The following GPHN variants were observed in gnomAD, a reference collection of about 807,000 sequenced individuals.
GPHN encodes the protein gephyrin.
A neutral mutation model predicts 95.5 loss-of-function variants in GPHN; 17 were observed. That is an observed-to-expected ratio of 0.18 (90% CI 0.12 to 0.27). The LOEUF (loss-of-function observed/expected upper bound fraction) is 0.27. GPHN is among the 10% of genes least tolerant of loss of function. The pLI, the probability that GPHN is intolerant of heterozygous loss-of-function variation, is 1.00. For synonymous variants in GPHN, 320 were observed against 322.5 expected (o/e 0.99, Z 0.08); for missense variants, 660 against 978.1 (o/e 0.67, Z 4.34).
chr14:67,067,873 G>T (rs927406764), intron 11 of GPHN, among the ~76,000 whole-genome samples: 3 of 152,212 alleles, frequency 2.0e-5, no homozygotes, highest in African/African-American at 7.2e-5. Flanking sequence ...GCTTCCCTTG[G>T]CTAGGAAAGG....
At chr14:66,605,631 A>G (rs1380385749) in intron 1 of GPHN, among the ~76,000 whole-genome samples, 1 of 148,498 alleles carries the variant, frequency 6.7e-6, no homozygotes, top group Admixed American at 6.8e-5. Context: ...CCAGGTTAAC[A>G]CCATTTTCCT....
intron 5 of GPHN, among the ~76,000 whole-genome samples, chr14:66,904,270 G>T (rs1427604039): frequency 6.6e-6 from 1 of 152,032 alleles, no homozygotes; most frequent in Non-Finnish European, 1.5e-5. Flanking sequence ...AATCAAGCAG[G>T]TTGCCCCTGC....
chr14:67,081,138 G>A (rs2076679725), intron 11 of GPHN, among the ~76,000 whole-genome samples: 1 of 152,182 alleles, frequency 6.6e-6, no homozygotes, highest in African/African-American at 2.4e-5. Context: ...TAGTGGGATT[G>A]CTGGATCAAG....
rs961268943 is a variant in GPHN at position 66,523,988 on chromosome 14, A to G, written c.64+15397A>G. 2.0e-5 allele frequency among the ~76,000 whole-genome samples: 3 copies of G among 152,068 alleles called. No individual in the cohort carries two copies. In the East Asian group the frequency reaches 5.8e-4, roughly 29 times the overall value. ...TGGGCAGTTAGAGTTAGAAGATGCT[A>G]TTTGTAGTGTAGTAACTAACAGCAA... On this transcript the variant is annotated intron_variant, in intron 1 of 22. Transcript: ENST00000478722.
chr14:66,723,892 C>G (rs1483968402), intron 2 of GPHN, among the ~76,000 whole-genome samples: 5 of 151,792 alleles, frequency 3.3e-5, no homozygotes, highest in African/African-American at 7.3e-5. Context: ...TTTATACAAG[C>G]ACTGATTTTT....
chr14:67,646,942 T>TA, the GPHN span: 1 of 1,607,130 alleles, frequency 6.2e-7, no homozygotes, highest in Non-Finnish European at 8.5e-7. Flanking sequence ...AGAACTATGA[T>TA]ATCCAGTATT....
At chr14:66,740,368 G>T (rs1048536229) in intron 2 of GPHN, among the ~76,000 whole-genome samples, 2 of 151,946 alleles carry the variant, frequency 1.3e-5, no homozygotes, top group African/African-American at 4.8e-5. Context: ...TTTATACATT[G>T]ATCTCAAATT....
chr14:67,054,189 A>AT, intron 10 of GPHN, among the ~76,000 whole-genome samples: 1 of 152,350 alleles, frequency 6.6e-6, no homozygotes, highest in Non-Finnish European at 1.5e-5. Context: ...TGCAGATGAC[A>AT]TACTCCTATA....
intron 10 of GPHN, among the ~76,000 whole-genome samples, chr14:67,048,233 A>G (rs770082702): frequency 3.1e-4 from 47 of 152,212 alleles, no homozygotes; most frequent in Admixed American, 3.3e-4. Context: ...TCCTGAGTGA[A>G]CCCCTATTCA....
At chr14:66,680,474 A>G (rs2066875113) in intron 1 of GPHN, among the ~76,000 whole-genome samples, 1 of 152,202 alleles carries the variant, frequency 6.6e-6, no homozygotes, top group Non-Finnish European at 1.5e-5. Flanking sequence ...TCTGGCACTC[A>G]GCAAATTTTT....
At chr14:67,242,934 A>T in the GPHN span, among the ~76,000 whole-genome samples, 1 of 152,216 alleles carries the variant, frequency 6.6e-6, no homozygotes, top group Non-Finnish European at 1.5e-5. Flanking sequence ...GACCCAAGTC[A>T]GTACAGTGGG....
At chr14:66,708,910 G>C (rs964929880) in intron 2 of GPHN, among the ~76,000 whole-genome samples, 5 of 151,874 alleles carry the variant, frequency 3.3e-5, no homozygotes, top group Admixed American at 6.6e-5. Context: ...AGAATATTAA[G>C]CTTTTAAATT....
At chr14:67,020,871 A>T (rs1950283) in intron 9 of GPHN, among the ~76,000 whole-genome samples, 2,834 of 152,156 alleles carry the variant, frequency 0.019, 38 homozygotes, top group African/African-American at 0.026. Context: ...TAGGCCAAAA[A>T]CTGTTTTATT....
At chr14:67,576,055 G>C in the GPHN span, 1 of 1,405,664 alleles carries the variant, frequency 7.1e-7, no homozygotes, top group Middle Eastern at 1.8e-4. The surrounding 1 kb of genome is among the most constrained non-coding windows in gnomAD (Gnocchi z 4.0). Flanking sequence ...CTGTGATTCT[G>C]ATCTTCCCTT....
chr14:66,552,736 A>G (rs759024498), intron 1 of GPHN, among the ~76,000 whole-genome samples: 4 of 152,146 alleles, frequency 2.6e-5, no homozygotes, highest in Non-Finnish European at 5.9e-5. Context: ...CAAGTACTTT[A>G]AAGATATCAT....
chr14:67,256,963 C>G, the GPHN span, among the ~76,000 whole-genome samples: 2 of 152,164 alleles, frequency 1.3e-5, no homozygotes, highest in Non-Finnish European at 1.5e-5. Context: ...GCGGCTGTGA[C>G]ACAGCCTCAG....
intron 1 of GPHN, among the ~76,000 whole-genome samples, chr14:66,572,551 A>AT (rs1479380151): frequency 2.7e-5 from 4 of 145,972 alleles, no homozygotes; most frequent in Non-Finnish European, 4.6e-5. Flanking sequence ...TTGTTTTTTG[A>AT]TTTTTTTCAG....
At chr14:66,525,688 TC>T (rs2058664318) in intron 1 of GPHN, among the ~76,000 whole-genome samples, 1 of 152,178 alleles carries the variant, frequency 6.6e-6, no homozygotes. Flanking sequence ...AAGGAAGGGG[TC>T]CAGTTTCACT....
At chr14:67,133,121 A>G (rs183145121) in intron 17 of GPHN, among the ~76,000 whole-genome samples, 1 of 152,280 alleles carries the variant, frequency 6.6e-6, no homozygotes, top group Admixed American at 6.5e-5. Flanking sequence ...TACGTGAAGT[A>G]GACACCCAGA....
Sources: allele counts gnomAD v4.1 joint callset (sites outside exome capture counted in the v4.1 genomes callset), GRCh38; gene constraint gnomAD v4.1.1; non-coding constraint Gnocchi (gnomAD v3.1); transcripts MANE v1.5; gene names NCBI Gene and HGNC (gene_info 2026-07-23, HGNC 2026-07-21).